Variants in TSHZ2 observed in about 807,000 individuals in gnomAD.
TSHZ2 encodes teashirt homolog 2.
Under a neutral mutation model 74.4 loss-of-function variants are expected in TSHZ2, and 21 were observed. That is an observed-to-expected ratio of 0.28 (90% CI 0.20 to 0.41). TSHZ2 has a LOEUF of 0.41. Among genes scored for constraint, TSHZ2 ranks in the 10% least tolerant of loss-of-function variants. The probability of loss-of-function intolerance (pLI) is 1.00; values close to 1 mark genes in which losing one functional copy is unlikely to be tolerated. For missense variants in TSHZ2, 1,244 were observed against 1,293.5 expected (o/e 0.96, Z 0.59); for synonymous variants, 540 against 515.3 (o/e 1.05, Z -0.65).
rs370608816 is a variant in TSHZ2, at chr20:53,122,694, T to A, written c.41-130805T>A. Among the ~76,000 whole-genome samples, 74 of 152,188 alleles carry A rather than the reference T, an allele frequency of 4.9e-4. No homozygotes were observed. In the South Asian group the frequency reaches 0.015, roughly 32 times the overall value. On this transcript the variant is annotated intron_variant, in intron 1 of 2. Transcript: ENST00000371497. Reference sequence around the variant, plus strand: ...ATCTGGGCCATGCTTGGAGGATGGATATTTTTCGGCAAGGCTGCCTCTGGT... The same window carrying A: ...ATCTGGGCCATGCTTGGAGGATGGAAATTTTTCGGCAAGGCTGCCTCTGGT...
intron 2 of TSHZ2, among the ~76,000 whole-genome samples, chr20:53,312,610 T>G (rs1352759427): frequency 6.6e-6 from 1 of 152,230 alleles, no homozygotes; most frequent in African/African-American, 2.4e-5. Flanking sequence ...TGGAGATTTT[T>G]CCAAGCACCG....
At chr20:53,438,891 C>T (rs1984203045) in intron 2 of TSHZ2, among the ~76,000 whole-genome samples, 1 of 152,114 alleles carries the variant, frequency 6.6e-6, no homozygotes, top group African/African-American at 2.4e-5. Context: ...CCCCAGGAGG[C>T]GGAGGTTGCG....
At chr20:53,354,635 CA>C (rs1352371229) in intron 2 of TSHZ2, among the ~76,000 whole-genome samples, 1 of 152,154 alleles carries the variant, frequency 6.6e-6, no homozygotes, top group African/African-American at 2.4e-5. Flanking sequence ...TTTTTAGTCA[CA>C]GAGAAATTCC....
chr20:53,197,400 A>G (rs1339221508), intron 1 of TSHZ2, among the ~76,000 whole-genome samples: 3 of 152,166 alleles, frequency 2.0e-5, no homozygotes, highest in Non-Finnish European at 4.4e-5. Flanking sequence ...TTTTAACAAA[A>G]CTATGTTTTC....
At chr20:53,434,826 G>GC (rs763672044) in intron 2 of TSHZ2, among the ~76,000 whole-genome samples, 16 of 152,262 alleles carry the variant, frequency 1.1e-4, no homozygotes, top group Admixed American at 2.0e-4. Context: ...TGTTTGCAAT[G>GC]CTTTGGCCAA....
At chr20:53,329,261 A>G (rs535738704) in intron 2 of TSHZ2, among the ~76,000 whole-genome samples, 1 of 152,210 alleles carries the variant, frequency 6.6e-6, no homozygotes, top group African/African-American at 2.4e-5. Flanking sequence ...ATCCAGCATT[A>G]TAAGTTTCAA....
intron 2 of TSHZ2, among the ~76,000 whole-genome samples, chr20:53,291,126 T>A (rs1043720090): frequency 1.3e-5 from 2 of 152,020 alleles, no homozygotes; most frequent in Admixed American, 6.6e-5. Context: ...GAAGGAAAGG[T>A]CACCAATTCA....
chr20:53,259,195 C>T (rs1019696094), intron 2 of TSHZ2, among the ~76,000 whole-genome samples: 1 of 152,180 alleles, frequency 6.6e-6, no homozygotes, highest in Non-Finnish European at 1.5e-5. Context: ...CATAGTAGCA[C>T]AAATTGTGCA....
intron 1 of TSHZ2, among the ~76,000 whole-genome samples, chr20:53,067,289 T>C (rs1242925774): frequency 6.6e-6 from 1 of 152,232 alleles, no homozygotes. Flanking sequence ...GAAGTAACTC[T>C]TTATGCTTTG....
At chr20:53,403,051 G>A (rs182113355) in intron 2 of TSHZ2, among the ~76,000 whole-genome samples, 107 of 152,206 alleles carry the variant, frequency 7.0e-4, no homozygotes, top group South Asian at 3.5e-3. Flanking sequence ...GTCAACCCAC[G>A]CTCCCTTCCC....
At chr20:53,470,246 G>T (rs1471631400) in intron 2 of TSHZ2, among the ~76,000 whole-genome samples, 1 of 152,146 alleles carries the variant, frequency 6.6e-6, no homozygotes, top group Non-Finnish European at 1.5e-5. Context: ...CAAAAGTAAA[G>T]TATTCAATAT....
At chr20:53,461,948 T>A (rs982451145) in intron 2 of TSHZ2, among the ~76,000 whole-genome samples, 5 of 152,170 alleles carry the variant, frequency 3.3e-5, no homozygotes, top group African/African-American at 1.2e-4. Context: ...AAGAGAGCTA[T>A]GGCCCAGGAG....
chr20:53,127,549 T>C (rs936509361), intron 1 of TSHZ2, among the ~76,000 whole-genome samples: 7 of 151,952 alleles, frequency 4.6e-5, no homozygotes, highest in African/African-American at 7.3e-5. Flanking sequence ...CCAAAAAAAC[T>C]TTTTTTAATA....
chr20:53,035,380 G>T (rs942616669), intron 1 of TSHZ2, among the ~76,000 whole-genome samples: 3 of 152,068 alleles, frequency 2.0e-5, no homozygotes, highest in African/African-American at 7.2e-5. Flanking sequence ...CTGGGATGAG[G>T]TTTTTTGTTT....
chr20:53,114,987 A>G (rs1986631875), intron 1 of TSHZ2, among the ~76,000 whole-genome samples: 1 of 152,136 alleles, frequency 6.6e-6, no homozygotes, highest in African/African-American at 2.4e-5. Context: ...GGGAGTGTTA[A>G]TTCTCAGTGG....
intron 2 of TSHZ2, among the ~76,000 whole-genome samples, chr20:53,257,467 C>T (rs1221278989): frequency 6.6e-6 from 1 of 152,206 alleles, no homozygotes; most frequent in Non-Finnish European, 1.5e-5. Context: ...ATATAGTCAA[C>T]CATGCCCAGA....
chr20:53,335,292 C>G (rs543375047), intron 2 of TSHZ2, among the ~76,000 whole-genome samples: 1 of 152,356 alleles, frequency 6.6e-6, no homozygotes, highest in African/African-American at 2.4e-5. Context: ...AGATCCACCA[C>G]TGCCTTGGAC....
Position 53,487,242 on chromosome 20 carries a change from C to T in TSHZ2, c.*107C>T, listed in dbSNP as rs542985353. On this transcript the variant is annotated 3_prime_UTR_variant, in exon 3 of 3. Transcript: ENST00000371497. ...TTCTGACATTGAACTCATTGAACTC[C>T]TCCTGACACCCTGGCTCTGAGAAGA... 4 of 148,772 alleles carry T rather than the reference C, an allele frequency of 2.7e-5. No individual in the cohort carries two copies. The highest frequency in any genetic ancestry group is 1.0e-4 in the African/African-American group (4 of 39,952). 9.2% of individuals were successfully genotyped at this position (148,772 alleles called of 1,614,324 possible).
intron 2 of TSHZ2, among the ~76,000 whole-genome samples, chr20:53,301,070 C>T: frequency 6.6e-6 from 1 of 152,066 alleles, no homozygotes; most frequent in Admixed American, 6.6e-5. Context: ...TCAAGCAATC[C>T]TCCCTCCCAC....
Sources: allele counts gnomAD v4.1 joint callset (sites outside exome capture counted in the v4.1 genomes callset), GRCh38; gene constraint gnomAD v4.1.1; transcripts MANE v1.5; gene names NCBI Gene and HGNC (gene_info 2026-07-23, HGNC 2026-07-21).